Variants in MALSU1 observed in about 807,000 individuals in gnomAD.
MALSU1 encodes the protein mitochondrial assembly of ribosomal large subunit 1.
MALSU1 carries 22 observed loss-of-function variants against 22.1 expected under a neutral mutation model. That is an observed-to-expected ratio of 1.00 (90% CI 0.71 to 1.42). The LOEUF (loss-of-function observed/expected upper bound fraction) is 1.42, where lower values mean the gene tolerates loss of function less well. Among genes scored for constraint, MALSU1 ranks in the 40% most tolerant of loss-of-function variants. The pLI, the probability that MALSU1 is intolerant of heterozygous loss-of-function variation, is 0.00. For missense variants in MALSU1, 379 were observed against 308.3 expected (o/e 1.23, Z -1.72); for synonymous variants, 153 against 118.5 (o/e 1.29, Z -1.89).
intron 2 of MALSU1, among the ~76,000 whole-genome samples, chr7:23,305,725 G>C (rs902490695): frequency 3.3e-5 from 5 of 152,134 alleles, no homozygotes; most frequent in Non-Finnish European, 7.3e-5. Flanking sequence ...AAAATATTGT[G>C]ATCTTGATAT....
chr7:23,307,019 T>C lies in MALSU1; in HGVS notation c.436-849T>C, dbSNP rs1030608302. Among the ~76,000 whole-genome samples the C allele has an allele frequency of 2.0e-5, 3 of 152,200 alleles. No individual in the cohort carries two copies. The East Asian group carries it at 5.8e-4, about 29-fold the overall frequency. On this transcript the variant is annotated intron_variant, in intron 2 of 3. Transcript: ENST00000466681. ...GTCTAGGACTTTTGTTGGGAGATTT[T>C]TGATTACTGATCCAGTCCCCATACT... is the stretch of plus-strand genomic sequence containing the variant.
Position 23,299,501 on chromosome 7 carries a change from G to A in MALSU1, c.149G>A (p.Arg50Gln). ...CTTCCCGTAGGAGCAGCGTTCTGCC[G>A]GGCTTGCCAGACCCCAAACTTTGTC... is the stretch of plus-strand genomic sequence containing the variant. ...QRLPVGAAFC[R>Q]ACQTPNFVRG... The change falls in exon 1 of 4, where the codon CGG (arginine) becomes CAG (glutamine). Residue 50 changes from arginine to glutamine, a missense_variant. Physicochemically the swap from Arg to Gln is conservative, Grantham distance 43. Transcript: ENST00000466681. 1 of 1,612,114 alleles carries A rather than the reference G, an allele frequency of 6.2e-7. No individual in the cohort carries two copies. Among genetic ancestry groups the A allele is most frequent in the Admixed American group, 1.7e-5 (1 of 59,976 alleles).
intron 2 of MALSU1, among the ~76,000 whole-genome samples, chr7:23,303,304 A>G (rs1783672651): frequency 6.6e-6 from 1 of 152,224 alleles, no homozygotes; most frequent in Non-Finnish European, 1.5e-5. Flanking sequence ...TGACCGACTT[A>G]TCTGACTTAG....
At chr7:23,305,623 C>T (rs895324591) in intron 2 of MALSU1, among the ~76,000 whole-genome samples, 38 of 152,188 alleles carry the variant, frequency 2.5e-4, no homozygotes, top group South Asian at 8.3e-4. Context: ...GTGATGCACC[C>T]GCCTTGGCCT....
chr7:23,309,460 C>T lies in MALSU1; in HGVS notation c.622C>T (p.Pro208Ser), dbSNP rs1366197208. 3.7e-6 allele frequency: 6 copies of T among 1,611,654 alleles called. No individual in the cohort carries two copies. The highest frequency in any genetic ancestry group is 5.1e-6 in the Non-Finnish European group (6 of 1,178,126). Residue 208 changes from proline to serine, a missense_variant, in exon 4 of 4, where the codon CCT becomes TCT. Coordinates refer to ENST00000466681, the MANE Select transcript of MALSU1 (RefSeq NM_138446.2). ...TGATGACCAGTTAGCTCAGATAGCA[C>T]CTGAGACAGTACCTGAAGACTTCAT... ...SYDDQLAQIAPETVPEDFILG... is the reference protein window; with the variant it reads ...SYDDQLAQIASETVPEDFILG...
rs61734319 is a variant in MALSU1 at position 23,299,514 on chromosome 7, C to T, written c.162C>T (p.Thr54=). The T allele has an allele frequency of 1.5e-3, 2,383 of 1,612,760 alleles. 33 individuals are homozygous for T. The African/African-American group carries it at 0.027, about 18-fold the overall frequency. ...CAGCGTTCTGCCGGGCTTGCCAGACCCCAAACTTTGTCCGCGGCCTGCACA... is the reference window on the plus strand; with the variant it reads ...CAGCGTTCTGCCGGGCTTGCCAGACTCCAAACTTTGTCCGCGGCCTGCACA... ...VGAAFCRACQ[T]PNFVRGLHSE... The change falls in exon 1 of 4, where the codon ACC becomes ACT. Residue 54 remains threonine, a synonymous_variant. Transcript: ENST00000466681.
intron 2 of MALSU1, among the ~76,000 whole-genome samples, chr7:23,304,106 CAAA>C (rs112453307): frequency 7.5e-6 from 1 of 133,848 alleles, no homozygotes; most frequent in African/African-American, 2.7e-5. Flanking sequence ...AACTCAGTCT[CAAA>C]AAAAAAAAAA....
chr7:23,301,072 G>A, intron 2 of MALSU1, 55 bp downstream of exon 2: 1 of 1,507,634 alleles, frequency 6.6e-7, no homozygotes, highest in South Asian at 1.2e-5. Flanking sequence ...TAGTGACAGT[G>A]CATCAGGCCA....
In MALSU1 at chr7:23,309,481, T is replaced by A; in HGVS notation, c.643T>A (p.Phe215Ile). 1 of 1,612,994 alleles carries A rather than the reference T, an allele frequency of 6.2e-7. No individual in the cohort carries two copies. Among genetic ancestry groups the A allele is most frequent in the Non-Finnish European group, 8.5e-7 (1 of 1,179,580 alleles). The change falls in exon 4 of 4, where the codon TTC becomes ATC. Residue 215 changes from phenylalanine to isoleucine, a missense_variant. Transcript: ENST00000466681. ...QIAPETVPED[F>I]ILGIEDDTSS... ...AGCACCTGAGACAGTACCTGAAGAC[T>A]TCATTCTTGGAATAGAAGATGATAC...
At chr7:23,301,410 G>A (rs775442718) in intron 2 of MALSU1, among the ~76,000 whole-genome samples, 1 of 152,078 alleles carries the variant, frequency 6.6e-6, no homozygotes, top group Non-Finnish European at 1.5e-5. Context: ...ACAGGCATGC[G>A]CCACCAGGCC....
In MALSU1 at chr7:23,307,944, A is replaced by G. The variant is rs75998451; in HGVS notation, c.512A>G (p.Asp171Gly). ...GACACTGATGACTGGCTGTGCGTGG[A>G]TTTTGGTAAGTTATTCTGGCGTATT... Reference protein sequence around the residue: ...GKDTDDWLCVDFGSMVIHLML... With the variant: ...GKDTDDWLCVGFGSMVIHLML... The change falls in exon 3 of 4, where the codon GAT (aspartate) becomes GGT (glycine). Residue 171 changes from aspartate (D) to glycine (G), a missense_variant. Physicochemically the swap from Asp to Gly is moderately conservative, Grantham distance 94. Coordinates refer to ENST00000466681, the MANE Select transcript of MALSU1 (RefSeq NM_138446.2). The G allele has an allele frequency of 6.2e-7, 1 of 1,612,084 alleles. No individual in the cohort carries two copies. The highest frequency in any genetic ancestry group is 8.5e-7 in the Non-Finnish European group (1 of 1,178,118).
rs1226120686 is a variant in MALSU1, at chr7:23,299,415, C to T, written c.63C>T (p.Ser21=). The change falls in exon 1 of 4, where the codon TCC becomes TCT. Residue 21 remains serine (S), a synonymous_variant. Transcript: ENST00000466681. ...CACTAATGTGGCGCAGGGCGGTTTC[C>T]TCGGTGGCGGGGTCCGCGGTTGGAG... The part of the protein sequence containing the change: ...LAPLMWRRAV[S]SVAGSAVGAE... 7 of 1,601,632 alleles carry T rather than the reference C, an allele frequency of 4.4e-6. 1 individual carries two copies. Among genetic ancestry groups the T allele is most frequent in the East Asian group, 2.2e-5 (1 of 44,796 alleles).
Position 23,310,543 on chromosome 7 carries a change from T to G in MALSU1, c.*1000T>G, listed in dbSNP as rs1479020227. On this transcript the variant is annotated 3_prime_UTR_variant, in exon 4 of 4. Coordinates refer to ENST00000466681, the MANE Select transcript of MALSU1 (RefSeq NM_138446.2). ...GCTCTGGCCTTAAACACATCTTACC[T>G]GAAATCCAACCAGAAAGCCAGTCCA... The G allele has an allele frequency of 6.6e-6, 1 of 152,118 alleles. No individual in the cohort carries two copies. Among genetic ancestry groups the G allele is most frequent in the East Asian group, 1.9e-4 (1 of 5,198 alleles). 9.4% of individuals were successfully genotyped at this position (152,118 alleles called of 1,614,324 possible). A position where few individuals can be genotyped will look rare whatever the true frequency, so the allele number is the denominator to read the frequency against.
At position 23,307,890 on chromosome 7, in the gene MALSU1, G is replaced by A. The variant is rs1211534967; in HGVS notation, c.458G>A (p.Arg153His). 1.2e-5 allele frequency: 20 copies of A among 1,613,652 alleles called. No individual in the cohort carries two copies. The highest frequency in any genetic ancestry group is 6.7e-5 in the Admixed American group (4 of 59,968). ...VKMYKHLKCK[R>H]DPHVKIEGKD... ...CAGTACAAACACCTGAAATGTAAACGTGACCCTCATGTTAAGATAGAAGGG... is the reference window on the plus strand; with the variant it reads ...CAGTACAAACACCTGAAATGTAAACATGACCCTCATGTTAAGATAGAAGGG... Residue 153 changes from arginine to histidine, a missense_variant, in exon 3 of 4, where the codon CGT (arginine) becomes CAT (histidine). By Grantham distance (29) the Arg-to-His change is conservative (BLOSUM62 0). Coordinates refer to ENST00000466681, the MANE Select transcript of MALSU1 (RefSeq NM_138446.2).
Position 23,300,982 on chromosome 7 carries a change from CACTT to C in MALSU1, c.403_406del (p.Leu135MetfsTer8). 1 of 1,614,002 alleles carries C rather than the reference CACTT, an allele frequency of 6.2e-7. No homozygotes were observed. The highest frequency in any genetic ancestry group is 8.5e-7 in the Non-Finnish European group (1 of 1,179,958). ...GATTGTTAGTGGAACTTCTACCCGA[CACTT>C]ACATGCCATGGCCTTCTACGTTGTG... On this transcript the variant is annotated frameshift_variant, in exon 2 of 4. Transcript: ENST00000466681. LOFTEE classifies it high-confidence loss of function.
chr7:23,308,969 T>A (rs534300369), intron 3 of MALSU1, among the ~76,000 whole-genome samples: 27 of 152,326 alleles, frequency 1.8e-4, no homozygotes, highest in African/African-American at 6.3e-4. Context: ...GGAGGCAGTA[T>A]CTTTCTGTTA....
chr7:23,309,274 G>C, intron 3 of MALSU1, 82 bp from the exon 4 acceptor site: 1 of 1,276,192 alleles, frequency 7.8e-7, no homozygotes, highest in Non-Finnish European at 1.1e-6. Context: ...TTTATTCCTA[G>C]AGTTAGCCAG....
At chr7:23,306,470 C>CA (rs1783724489) in intron 2 of MALSU1, among the ~76,000 whole-genome samples, 1 of 151,214 alleles carries the variant, frequency 6.6e-6, no homozygotes, top group South Asian at 2.1e-4. Flanking sequence ...CTAGAACTTC[C>CA]AATACTGTGT....
rs1381699393 is a variant in MALSU1 at position 23,310,967 on chromosome 7, T to G, written c.*1424T>G. 3 of 152,160 alleles carry G rather than the reference T, an allele frequency of 2.0e-5. No homozygotes were observed. Among genetic ancestry groups the G allele is most frequent in the Non-Finnish European group, 4.4e-5 (3 of 68,032 alleles). 9.4% of individuals were successfully genotyped at this position (152,160 alleles called of 1,614,324 possible). On this transcript the variant is annotated 3_prime_UTR_variant, in exon 4 of 4. Transcript: ENST00000466681. ...GTCAAGGAGTGAGCAAATGAGTTCGTTATCAAAGGTCATATGTTTTCACAG... is the reference window on the plus strand; with the variant it reads ...GTCAAGGAGTGAGCAAATGAGTTCGGTATCAAAGGTCATATGTTTTCACAG...
Sources: allele counts gnomAD v4.1 joint callset (sites outside exome capture counted in the v4.1 genomes callset), GRCh38; gene constraint gnomAD v4.1.1; transcripts MANE v1.5; gene names NCBI Gene and HGNC (gene_info 2026-07-23, HGNC 2026-07-21).